The following MOB1B variants were observed in gnomAD, a reference collection of about 807,000 sequenced individuals.
MOB1B encodes the protein MOB1 Mps One Binder homolog B.
Under a neutral mutation model 24.4 loss-of-function variants are expected in MOB1B, and 19 were observed. The observed-to-expected ratio is 0.78, with a 90% CI of 0.54 to 1.14. The LOEUF is 1.14. Ranked by LOEUF, MOB1B falls within the 50% of genes most tolerant of loss-of-function variation. MOB1B has a pLI of 0.00. For synonymous variants in MOB1B, 76 were observed against 82.1 expected, an observed-to-expected ratio of 0.93 and a Z score of 0.40; for missense variants, 243 against 259.6, an observed-to-expected ratio of 0.94 and a Z score of 0.44.
chr4:70,929,640 C>T (rs529254041), intron 1 of MOB1B, among the ~76,000 whole-genome samples: 18 of 151,240 alleles, frequency 1.2e-4, no homozygotes, highest in African/African-American at 3.9e-4. Flanking sequence ...GTCACCACAC[C>T]AAGCTAATTT....
chr4:70,972,860 G>A (rs551649401), intron 3 of MOB1B, among the ~76,000 whole-genome samples: 1 of 152,012 alleles, frequency 6.6e-6, no homozygotes, highest in Non-Finnish European at 1.5e-5. Flanking sequence ...TGCAAGCTCC[G>A]CCTCCTGGGT....
chr4:70,945,499 T>C (rs1009250193), intron 1 of MOB1B, among the ~76,000 whole-genome samples: 6 of 152,248 alleles, frequency 3.9e-5, no homozygotes, highest in African/African-American at 1.4e-4. Flanking sequence ...ATGCATACTC[T>C]GTACTATGCT....
intron 1 of MOB1B, among the ~76,000 whole-genome samples, chr4:70,949,060 G>A (rs1185193801): frequency 1.3e-5 from 2 of 152,180 alleles, no homozygotes; most frequent in African/African-American, 4.8e-5. Context: ...TTGGAGCACA[G>A]CAGAATCACT....
At chr4:70,965,796 C>CA (rs71211986) in intron 2 of MOB1B, among the ~76,000 whole-genome samples, 5,535 of 28,554 alleles carry the variant, frequency 0.19, 1,433 homozygotes, top group Non-Finnish European at 0.35. Context: ...GACTCCGTCT[C>CA]AAAAAAAAAA....
In MOB1B at chr4:70,920,214, C is replaced by T. The variant is rs546919930; in HGVS notation, c.14+17664C>T. Among the ~76,000 whole-genome samples the T allele has an allele frequency of 1.4e-4, 21 of 151,982 alleles. No individual in the cohort carries two copies. The East Asian group carries it at 3.3e-3, about 24-fold the overall frequency. On this transcript the variant is annotated intron_variant, in intron 1 of 5. Transcript: ENST00000309395. ...AAAATATTTGATTTAAGCTCCTCTTCCTCTTCCTCCTCCTCCTCTTCCTCT... is the reference window on the plus strand; with the variant it reads ...AAAATATTTGATTTAAGCTCCTCTTTCTCTTCCTCCTCCTCCTCTTCCTCT...
At chr4:70,932,408 T>G (rs75186137) in intron 1 of MOB1B, among the ~76,000 whole-genome samples, 3,306 of 152,204 alleles carry the variant, frequency 0.022, 123 homozygotes, top group African/African-American at 0.075. Flanking sequence ...TTTTCTTTCT[T>G]TTTTTTAACC....
chr4:70,975,822 G>A, intron 4 of MOB1B: 1 of 914,240 alleles, frequency 1.1e-6, no homozygotes, highest in Non-Finnish European at 1.3e-6. Flanking sequence ...GCACTTACAG[G>A]TGTTCTATGT....
intron 1 of MOB1B, among the ~76,000 whole-genome samples, chr4:70,908,029 C>CT (rs57209453): frequency 0.028 from 4,023 of 141,676 alleles, 161 homozygotes; most frequent in African/African-American, 0.09. Flanking sequence ...TTCGTTCTTT[C>CT]TTTTTTTTTT....
Position 70,955,760 on chromosome 4 carries a change from T to G in MOB1B, c.15-3114T>G, listed in dbSNP as rs865855564. Among the ~76,000 whole-genome samples the G allele has an allele frequency of 8.5e-5, 13 of 152,056 alleles. No homozygotes were observed. In the South Asian group the frequency reaches 1.2e-3, roughly 15 times the overall value. ...TTCTGGGATTACAGGTGGGAGCCAC[T>G]GCGCCCAGTGAAGTATGTGTCTTAT... On this transcript the variant is annotated intron_variant, in intron 1 of 5. Transcript: ENST00000309395.
intron 3 of MOB1B, 150 bp from the exon 4 acceptor site, chr4:70,975,003 C>A: frequency 1.9e-6 from 1 of 526,970 alleles, no homozygotes; most frequent in Non-Finnish European, 3.0e-6. Flanking sequence ...CAAAGTAGTC[C>A]ACTGGGTATT....
At position 70,982,100 on chromosome 4, in the gene MOB1B, G is replaced by T. The variant is rs758807930; in HGVS notation, c.*43G>T. The T allele has an allele frequency of 1.4e-6, 2 of 1,416,084 alleles. No individual in the cohort carries two copies. The highest frequency in any genetic ancestry group is 1.8e-4 in the Middle Eastern group (1 of 5,684). The allele number at this position is 1,416,084 out of a possible 1,614,324, so 87.7% of individuals were successfully genotyped here. ...CAAATTGTTCCTCAAATGAAGCAGT[G>T]TGGAGTGTATTGGGGATTTTGTTAT... On this transcript the variant is annotated 3_prime_UTR_variant, in exon 6 of 6. Coordinates refer to ENST00000309395, the MANE Select transcript of MOB1B (RefSeq NM_173468.4).
intron 4 of MOB1B, among the ~76,000 whole-genome samples, chr4:70,977,151 C>T (rs9283669): frequency 0.19 from 29,293 of 152,008 alleles, 6,248 homozygotes; most frequent in African/African-American, 0.53. Context: ...ATATAGATCT[C>T]ATTTGGGCTT....
intron 2 of MOB1B, among the ~76,000 whole-genome samples, chr4:70,959,380 A>G (rs987562222): frequency 1.3e-5 from 2 of 152,060 alleles, no homozygotes; most frequent in Non-Finnish European, 2.9e-5. Flanking sequence ...TGGCTCATTT[A>G]CAAACATGTT....
chr4:70,954,474 G>C (rs1205953282), intron 1 of MOB1B, among the ~76,000 whole-genome samples: 1 of 151,828 alleles, frequency 6.6e-6, no homozygotes, highest in Non-Finnish European at 1.5e-5. Context: ...TTTTTCTTTT[G>C]AGACGGAGTC....
chr4:70,939,383 GA>G, intron 1 of MOB1B, among the ~76,000 whole-genome samples: 1 of 152,224 alleles, frequency 6.6e-6, no homozygotes, highest in South Asian at 2.1e-4. Context: ...ATGTCCCTAA[GA>G]AAACCCAATC....
At chr4:70,954,541 C>G (rs567391750) in intron 1 of MOB1B, among the ~76,000 whole-genome samples, 1 of 147,070 alleles carries the variant, frequency 6.8e-6, no homozygotes, top group Non-Finnish European at 1.5e-5. Context: ...CTGCAACCTC[C>G]GCCTCCTGGG....
chr4:70,956,781 G>A (rs188149388), intron 1 of MOB1B, among the ~76,000 whole-genome samples: 20 of 152,240 alleles, frequency 1.3e-4, no homozygotes, highest in African/African-American at 4.6e-4. Context: ...GAGGGTGTGT[G>A]TTATGAGGAA....
At chr4:70,939,738 T>C (rs1189812681) in intron 1 of MOB1B, among the ~76,000 whole-genome samples, 2 of 152,230 alleles carry the variant, frequency 1.3e-5, no homozygotes, top group Non-Finnish European at 2.9e-5. Context: ...TGGGCGTGTG[T>C]TACCCGGTGC....
At chr4:70,903,213 T>C (rs10026933) in intron 1 of MOB1B, among the ~76,000 whole-genome samples, 6,477 of 152,260 alleles carry the variant, frequency 0.043, 454 homozygotes, top group African/African-American at 0.15. Flanking sequence ...CTGAAGAGGA[T>C]GAGTTTTATC....
Sources: allele counts gnomAD v4.1 joint callset (sites outside exome capture counted in the v4.1 genomes callset), GRCh38; gene constraint gnomAD v4.1.1; transcripts MANE v1.5; gene names NCBI Gene and HGNC (gene_info 2026-07-23, HGNC 2026-07-21).